The following PIEZO2 variants were observed in gnomAD, a reference collection of about 807,000 sequenced individuals.
The protein encoded by PIEZO2 is piezo-type mechanosensitive ion channel component 2.
In PIEZO2, 172 loss-of-function variants were observed where a neutral mutation model predicts 337.3. That is an observed-to-expected ratio of 0.51 (90% CI 0.45 to 0.58). The LOEUF (loss-of-function observed/expected upper bound fraction) is 0.58, where lower values mean the gene tolerates loss of function less well. PIEZO2 is among the 20% of genes least tolerant of loss of function. The pLI is 0.00. For missense variants in PIEZO2, 3,028 were observed against 3,391.3 expected, an observed-to-expected ratio of 0.89 and a Z score of 2.66; for synonymous variants, 1,251 against 1,228.5, an observed-to-expected ratio of 1.02 and a Z score of -0.38.
rs1568382412 is a variant in PIEZO2 at position 11,110,555 on chromosome 18, G to A, written c.64+37970C>T. ...AACAACAAAGACACAGCAGAGCGGG[G>A]GAGTGGGAGCTGCCACATAACGGTT... On this transcript the variant is annotated intron_variant, in intron 1 of 55. Transcript: ENST00000674853. The surrounding 1 kb of genome is among the most constrained non-coding windows in gnomAD (Gnocchi z 4.2). Among the ~76,000 whole-genome samples, 2 of 152,178 alleles carry A rather than the reference G, an allele frequency of 1.3e-5. No individual in the cohort carries two copies. The highest frequency in any genetic ancestry group is 2.9e-5 in the Non-Finnish European group (2 of 68,028).
chr18:10,934,479 G>GC (rs1182094310), intron 3 of PIEZO2, among the ~76,000 whole-genome samples: 1 of 152,106 alleles, frequency 6.6e-6, no homozygotes, highest in Non-Finnish European at 1.5e-5. Context: ...CCACTCCCCC[G>GC]CAAGTCAGGT....
At position 10,803,888 on chromosome 18, in the gene PIEZO2, G is replaced by T. The variant is rs780240231; in HGVS notation, c.1187C>A (p.Thr396Asn). The T allele has an allele frequency of 8.1e-5, 125 of 1,537,148 alleles. No individual in the cohort carries two copies. Among genetic ancestry groups the T allele is most frequent in the Non-Finnish European group, 1.1e-4 (123 of 1,146,922 alleles). Residue 396 changes from threonine (T) to asparagine (N), a missense_variant, in exon 9 of 56, where the codon ACT becomes AAT. By Grantham distance (65) the Thr-to-Asn change is moderately conservative. Coordinates refer to ENST00000674853, the MANE Select transcript of PIEZO2 (RefSeq NM_001378183.1). ...ATCATGGCTTACTTTTCTCTCATCA[G>T]TGGGGTAATGGGTTGCGTACCACAG... The part of the protein sequence containing the change: ...RSLWYATHYP[T>N]DERKLLSMTQ...
intron 2 of PIEZO2, among the ~76,000 whole-genome samples, chr18:11,062,339 A>T (rs1293868957): frequency 6.6e-6 from 1 of 152,210 alleles, no homozygotes; most frequent in East Asian, 1.9e-4. Context: ...CATTCAGGAC[A>T]TAGGCATGGG....
rs1027298455 is a variant in PIEZO2 at position 10,895,521 on chromosome 18, G to GC, written c.329+15664dup. Among the ~76,000 whole-genome samples the GC allele has an allele frequency of 6.6e-6, 1 of 152,036 alleles. No individual in the cohort carries two copies. Among genetic ancestry groups the GC allele is most frequent in the African/African-American group, 2.4e-5 (1 of 41,398 alleles). Reference sequence around the variant, plus strand: ...GAGGTTGTTCAGTGACCACACCAGAGCCCCCCAGCTGGAACAGAGTGCCGG... The same window carrying GC: ...GAGGTTGTTCAGTGACCACACCAGAGCCCCCCCAGCTGGAACAGAGTGCCGG... On this transcript the variant is annotated intron_variant, in intron 4 of 55. Transcript: ENST00000674853. The surrounding 1 kb of genome is among the most constrained non-coding windows in gnomAD (Gnocchi z 4.8).
At chr18:10,882,666 A>T (rs1016579889) in intron 4 of PIEZO2, among the ~76,000 whole-genome samples, 5 of 151,712 alleles carry the variant, frequency 3.3e-5, no homozygotes, top group Non-Finnish European at 7.4e-5. Flanking sequence ...CTCTATTTTT[A>T]TGAGATCCAT....
At chr18:11,107,293 A>T (rs1446306688) in intron 1 of PIEZO2, among the ~76,000 whole-genome samples, 1 of 152,248 alleles carries the variant, frequency 6.6e-6, no homozygotes, top group African/African-American at 2.4e-5. Flanking sequence ...TTAAAATATC[A>T]TGATAAGCTT....
chr18:10,815,028 T>A lies in PIEZO2; in HGVS notation c.918-7754A>T, dbSNP rs2040321266. Among the ~76,000 whole-genome samples the A allele has an allele frequency of 6.6e-6, 1 of 152,226 alleles. No homozygotes were observed. Among genetic ancestry groups the A allele is most frequent in the Non-Finnish European group, 1.5e-5 (1 of 68,040 alleles). On this transcript the variant is annotated intron_variant, in intron 7 of 55. Coordinates refer to ENST00000674853, the MANE Select transcript of PIEZO2 (RefSeq NM_001378183.1). The surrounding 1 kb of genome is among the most constrained non-coding windows in gnomAD (Gnocchi z 4.1). ...ATTCTTTAAGTAGACATAGGTGCCC[T>A]GCAGCAGCTTATAAAACTAATTGTG...
rs2032687022 is a variant in PIEZO2 at position 10,940,850 on chromosome 18, G to C, written c.287-29622C>G. On this transcript the variant is annotated intron_variant, in intron 3 of 55. Transcript: ENST00000674853. The surrounding 1 kb of genome is among the most constrained non-coding windows in gnomAD (Gnocchi z 5.3). Reference sequence around the variant, plus strand: ...GCACTCCAGCCTGGCTACAGAGCAAGGCTCCATCTCAAAAAAAAAAAAGAA... The same window carrying C: ...GCACTCCAGCCTGGCTACAGAGCAACGCTCCATCTCAAAAAAAAAAAAGAA... Among the ~76,000 whole-genome samples, 1 of 151,654 alleles carries C rather than the reference G, an allele frequency of 6.6e-6. No homozygotes were observed. Among genetic ancestry groups the C allele is most frequent in the South Asian group, 2.1e-4 (1 of 4,798 alleles).
At chr18:10,691,526 G>A in intron 47 of PIEZO2, 143 bp from the exon 48 acceptor site, 4 of 823,128 alleles carry the variant, frequency 4.9e-6, no homozygotes, top group South Asian at 2.1e-5. Context: ...TACACATAGT[G>A]GATCACTTCA....
At chr18:11,044,172 TACAC>T (rs954984692) in intron 2 of PIEZO2, among the ~76,000 whole-genome samples, 1 of 128,492 alleles carries the variant, frequency 7.8e-6, no homozygotes, top group African/African-American at 3.1e-5. Flanking sequence ...TATATATATA[TACAC>T]ACACACACTA....
Position 11,016,079 on chromosome 18 carries a change from A to G in PIEZO2, c.161-36419T>C, listed in dbSNP as rs1422665354. Among the ~76,000 whole-genome samples, 1 of 151,862 alleles carries G rather than the reference A, an allele frequency of 6.6e-6. No homozygotes were observed. Among genetic ancestry groups the G allele is most frequent in the Non-Finnish European group, 1.5e-5 (1 of 67,998 alleles). On this transcript the variant is annotated intron_variant, in intron 2 of 55. Transcript: ENST00000674853. The surrounding 1 kb of genome is among the most constrained non-coding windows in gnomAD (Gnocchi z 5.6). ...TCAGCCTCATTCTTCCTCCTTCTCC[A>G]TTGCTCCTGTAGACCCAAACCAACA... is the stretch of plus-strand genomic sequence containing the variant.
At chr18:10,835,890 A>G (rs980926273) in intron 7 of PIEZO2, among the ~76,000 whole-genome samples, 3 of 152,244 alleles carry the variant, frequency 2.0e-5, no homozygotes, top group African/African-American at 7.2e-5. Flanking sequence ...TCTGACTCAC[A>G]GTACTTTTGC....
At chr18:10,971,798 T>A (rs1250166370) in intron 3 of PIEZO2, among the ~76,000 whole-genome samples, 1 of 152,160 alleles carries the variant, frequency 6.6e-6, no homozygotes, top group Non-Finnish European at 1.5e-5. Flanking sequence ...GCATAAAATT[T>A]TCCCCAGCAC....
At chr18:11,103,786 C>CGT (rs71364107) in intron 1 of PIEZO2, among the ~76,000 whole-genome samples, 2,890 of 148,282 alleles carry the variant, frequency 0.019, 73 homozygotes, top group African/African-American at 0.059. Context: ...AGATGCTGGT[C>CGT]GTGTGTGTGT....
intron 7 of PIEZO2, among the ~76,000 whole-genome samples, chr18:10,852,888 TAGTC>T (rs959923656): frequency 1.4e-4 from 21 of 152,084 alleles, no homozygotes; most frequent in African/African-American, 3.6e-4. Context: ...CATAAGGTGA[TAGTC>T]AGGAGGTTTT....
chr18:10,773,483 C>T lies in PIEZO2; in HGVS notation c.2714G>A (p.Gly905Glu). The T allele has an allele frequency of 6.5e-7, 1 of 1,537,452 alleles. No individual in the cohort carries two copies. ...YSEKAQKGDLGKDSEESEEDG... is the reference protein window; with the variant it reads ...YSEKAQKGDLEKDSEESEEDG... ...CTCCTCTGACTCCTCGCTGTCTTTC[C>T]CAAGATCACCCTTCTGGGCTTTTTC... is the stretch of plus-strand genomic sequence containing the variant. The change falls in exon 20 of 56, where the codon GGG becomes GAG. Residue 905 changes from glycine (G) to glutamate (E), a missense_variant. Gly to Glu is a moderately conservative substitution (Grantham distance 98). This residue lies in a region of PIEZO2 where 1,925 missense variants were observed against 2,051.9 expected (regional missense o/e 0.94). Transcript: ENST00000674853. This position sits in a 1 kb window ranked among gnomAD's most constrained non-coding sequence, Gnocchi z 5.3.
rs536085379 is a variant in PIEZO2, at chr18:10,916,077, CCA to C, written c.287-4851_287-4850del. ...ACAGAGTGCTTGGCAGAAAAGTTCTCCAAGTCCCCACCAGAGTAGCTAGACAC... is the reference window on the plus strand; with the variant it reads ...ACAGAGTGCTTGGCAGAAAAGTTCTCAGTCCCCACCAGAGTAGCTAGACAC... On this transcript the variant is annotated intron_variant, in intron 3 of 55. Coordinates refer to ENST00000674853, the MANE Select transcript of PIEZO2 (RefSeq NM_001378183.1). Among the ~76,000 whole-genome samples the C allele has an allele frequency of 9.3e-4, 142 of 152,270 alleles. 1 individual carries two copies. Among genetic ancestry groups the C allele is most frequent in the African/African-American group, 3.2e-3 (131 of 41,578 alleles).
chr18:10,737,246 A>G (rs2037034468), intron 33 of PIEZO2, among the ~76,000 whole-genome samples: 1 of 151,342 alleles, frequency 6.6e-6, no homozygotes, highest in Non-Finnish European at 1.5e-5. Context: ...ACTTCTCCAC[A>G]TGTAACACAA....
At position 11,111,204 on chromosome 18, in the gene PIEZO2, G is replaced by T. The variant is rs1324281751; in HGVS notation, c.64+37321C>A. 6.6e-6 allele frequency among the ~76,000 whole-genome samples: 1 copy of T among 152,138 alleles called. No individual in the cohort carries two copies. Among genetic ancestry groups the T allele is most frequent in the Non-Finnish European group, 1.5e-5 (1 of 68,012 alleles). ...TCAGAGGGCTCTGACGCCAGCCCAG[G>T]ACTCTGGCCGCACCTGGGTCCCCCA... On this transcript the variant is annotated intron_variant, in intron 1 of 55. Transcript: ENST00000674853. This position sits in a 1 kb window ranked among gnomAD's most constrained non-coding sequence, Gnocchi z 6.2.
Sources: allele counts gnomAD v4.1 joint callset (sites outside exome capture counted in the v4.1 genomes callset), GRCh38; gene constraint gnomAD v4.1.1; regional missense constraint gnomAD v4.1.1; non-coding constraint Gnocchi (gnomAD v3.1); transcripts MANE v1.5; gene names NCBI Gene and HGNC (gene_info 2026-07-23, HGNC 2026-07-21).